The following DTD1 variants were observed in gnomAD, a reference collection of about 807,000 sequenced individuals.
The protein encoded by DTD1 is D-tyrosyl-tRNA deacylase 1 homolog.
In DTD1, 13 loss-of-function variants were observed where a neutral mutation model predicts 25.6. The observed-to-expected ratio is 0.51, with a 90% confidence interval of 0.33 to 0.81. The LOEUF is 0.81. Among genes scored for constraint, DTD1 ranks in the 30% least tolerant of loss-of-function variants. DTD1 has a pLI of 0.02. For missense variants in DTD1, 193 were observed against 266.4 expected, an observed-to-expected ratio of 0.72 and a Z score of 1.92; for synonymous variants, 110 against 103.6, an observed-to-expected ratio of 1.06 and a Z score of -0.37.
chr20:18,741,281 T>C (rs2061277036), intron 4 of DTD1, among the ~76,000 whole-genome samples: 1 of 152,044 alleles, frequency 6.6e-6, no homozygotes, highest in South Asian at 2.1e-4. Context: ...ACCTTCATTT[T>C]GGGCCAGAAT....
At chr20:18,637,206 G>T (rs1480141973) in intron 4 of DTD1, among the ~76,000 whole-genome samples, 1 of 152,146 alleles carries the variant, frequency 6.6e-6, no homozygotes, top group Admixed American at 6.5e-5. Flanking sequence ...AAACAAGATG[G>T]CTTTGCTTGA....
intron 5 of DTD1, among the ~76,000 whole-genome samples, chr20:18,759,807 C>T (rs1484652294): frequency 6.6e-6 from 1 of 152,204 alleles, no homozygotes; most frequent in Non-Finnish European, 1.5e-5. Flanking sequence ...GGAAGTTCTC[C>T]TGGATAATAT....
At chr20:18,617,463 CTA>C (rs1568647081) in intron 3 of DTD1, among the ~76,000 whole-genome samples, 1 of 151,674 alleles carries the variant, frequency 6.6e-6, no homozygotes, top group African/African-American at 2.4e-5. Flanking sequence ...GTTCATTGTT[CTA>C]TGTTTCTGTA....
At chr20:18,619,292 T>C (rs1394534989) in intron 3 of DTD1, among the ~76,000 whole-genome samples, 1 of 152,240 alleles carries the variant, frequency 6.6e-6, no homozygotes, top group Non-Finnish European at 1.5e-5. Flanking sequence ...ACAATTTTGA[T>C]CCCTAAGCAG....
chr20:18,709,502 T>C (rs2061149952), intron 4 of DTD1, among the ~76,000 whole-genome samples: 1 of 152,162 alleles, frequency 6.6e-6, no homozygotes, highest in Admixed American at 6.5e-5. Flanking sequence ...CTCCTAAAGG[T>C]GCAGGTCATG....
intron 4 of DTD1, among the ~76,000 whole-genome samples, chr20:18,670,396 C>T (rs573961404): frequency 3.3e-5 from 5 of 152,258 alleles, no homozygotes; most frequent in South Asian, 2.1e-4. Flanking sequence ...GCGGAGGTTG[C>T]GGTGAGCCAA....
intron 4 of DTD1, among the ~76,000 whole-genome samples, chr20:18,634,117 T>C (rs2060798545): frequency 6.6e-6 from 1 of 152,248 alleles, no homozygotes; most frequent in Admixed American, 6.5e-5. Flanking sequence ...CTGCTTATTA[T>C]TACCTAGTGC....
chr20:18,612,692 T>C (rs888540832), intron 3 of DTD1, among the ~76,000 whole-genome samples: 32 of 151,990 alleles, frequency 2.1e-4, no homozygotes, highest in Non-Finnish European at 5.9e-5. Context: ...AGAGTCTCAC[T>C]CTGTCGCCCA....
intron 4 of DTD1, among the ~76,000 whole-genome samples, chr20:18,702,945 C>T (rs573430762): frequency 6.6e-6 from 1 of 152,278 alleles, no homozygotes; most frequent in Admixed American, 6.5e-5. Flanking sequence ...TGCTGCCATC[C>T]AGCAGGAGTC....
chr20:18,588,080 C>A lies in DTD1; in HGVS notation c.8C>A (p.Ala3Asp), dbSNP rs889956974. 1 of 1,375,562 alleles carries A rather than the reference C, an allele frequency of 7.3e-7. No homozygotes were observed. The highest frequency in any genetic ancestry group is 9.3e-7 in the Non-Finnish European group (1 of 1,070,666). 85.2% of individuals were successfully genotyped at this position (1,375,562 alleles called of 1,614,324 possible). A position where few individuals can be genotyped will look rare whatever the true frequency, so the allele number is the denominator to read the frequency against. Residue 3 changes from alanine to aspartate, a missense_variant, in exon 1 of 6, where the codon GCC (alanine) becomes GAC (aspartate). Physicochemically the swap from Ala to Asp is moderately radical, Grantham distance 126. Transcript: ENST00000377452. Reference sequence around the variant, plus strand: ...CTCGCCCCAGCCGCCGCCATGAAGGCCGTGGTGCAGCGCGTCACCCGGGCC... The same window carrying A: ...CTCGCCCCAGCCGCCGCCATGAAGGACGTGGTGCAGCGCGTCACCCGGGCC... MK[A>D]VVQRVTRASV...
Position 18,595,968 on chromosome 20 carries a change from A to G in DTD1, c.135-38A>G, listed in dbSNP as rs373430756. 2.6e-5 allele frequency: 41 copies of G among 1,581,826 alleles called. No individual in the cohort carries two copies. In the African/African-American group the frequency reaches 4.0e-4, roughly 16 times the overall value. ...TATGGAGTGTGTTGGGGGGCTTGTG[A>G]TCTCTCAGGTAGCTCTCACTGCTCT... On this transcript the variant is annotated intron_variant, in intron 2 of 5. Transcript: ENST00000377452.
At chr20:18,713,748 A>G (rs2061169170) in intron 4 of DTD1, among the ~76,000 whole-genome samples, 1 of 152,098 alleles carries the variant, frequency 6.6e-6, no homozygotes, top group Non-Finnish European at 1.5e-5. Flanking sequence ...CTGCTCATAT[A>G]GTTATCCCCA....
intron 4 of DTD1, among the ~76,000 whole-genome samples, chr20:18,680,204 A>G (rs1232674120): frequency 6.6e-6 from 1 of 152,072 alleles, no homozygotes; most frequent in Non-Finnish European, 1.5e-5. Flanking sequence ...CACTAATTTT[A>G]TTCACGGTCT....
rs149823174 is a variant in DTD1 at position 18,669,970 on chromosome 20, C to T, written c.477+41737C>T. On this transcript the variant is annotated intron_variant, in intron 4 of 5. Transcript: ENST00000377452. ...CTTCCCTGTAGGGATTGTCTGCAAG[C>T]GCACACCTGCATTTTCTTGTCCACA... Among the ~76,000 whole-genome samples, 534 of 152,300 alleles carry T rather than the reference C, an allele frequency of 3.5e-3. 1 individual carries two copies. The highest frequency in any genetic ancestry group is 0.012 in the African/African-American group (487 of 41,562).
chr20:18,672,648 T>C (rs1176792006), intron 4 of DTD1, among the ~76,000 whole-genome samples: 2 of 152,246 alleles, frequency 1.3e-5, no homozygotes, highest in Admixed American at 6.5e-5. Flanking sequence ...GATTATTTTA[T>C]GGGTCTTACA....
chr20:18,630,441 G>A (rs2060781322), intron 4 of DTD1: 1 of 152,028 alleles, frequency 6.6e-6, no homozygotes, highest in Middle Eastern at 3.2e-3. Context: ...TTCATTGCAA[G>A]CTCCACCTCC....
In DTD1 at chr20:18,669,756, G is replaced by A. The variant is rs147737229; in HGVS notation, c.477+41523G>A. Among the ~76,000 whole-genome samples the A allele has an allele frequency of 4.8e-3, 728 of 152,166 alleles. 8 individuals are homozygous for A. The highest frequency in any genetic ancestry group is 0.017 in the African/African-American group (703 of 41,504). On this transcript the variant is annotated intron_variant, in intron 4 of 5. Coordinates refer to ENST00000377452, the MANE Select transcript of DTD1 (RefSeq NM_080820.6). ...CACTCCAAACTGGGTTATTCCAATC[G>A]CTCCCGGGGGGGTCTGCATGCCAAG...
intron 4 of DTD1, among the ~76,000 whole-genome samples, chr20:18,739,296 C>T (rs1033050164): frequency 3.9e-5 from 6 of 152,174 alleles, no homozygotes; most frequent in African/African-American, 1.4e-4. Flanking sequence ...AAAAGAAAAA[C>T]GCTTATGTTT....
chr20:18,699,859 G>C (rs1227376954), intron 4 of DTD1, among the ~76,000 whole-genome samples: 2 of 152,184 alleles, frequency 1.3e-5, no homozygotes, highest in Non-Finnish European at 2.9e-5. Context: ...TAGACCAGAA[G>C]AGTTCTCATA....
Sources: gnomAD v4.1 joint callset for allele counts (sites outside exome capture counted in the v4.1 genomes callset) on GRCh38, gnomAD v4.1.1 for gene constraint, MANE v1.5 for transcripts, NCBI Gene and HGNC (gene_info 2026-07-23, HGNC 2026-07-21) for gene names.